The following LRRTM4 variants were observed in gnomAD, a reference collection of about 807,000 sequenced individuals.
LRRTM4 encodes leucine-rich repeat transmembrane neuronal protein 4.
A neutral mutation model predicts 47.6 loss-of-function variants in LRRTM4; 25 were observed. The observed-to-expected ratio is 0.53, with a 90% CI of 0.38 to 0.73. The LOEUF (loss-of-function observed/expected upper bound fraction) is 0.73, where lower values mean the gene tolerates loss of function less well. Among genes scored for constraint, LRRTM4 ranks in the 30% least tolerant of loss-of-function variants. The pLI is 0.00. For missense variants in LRRTM4, 638 were observed against 713.4 expected, an observed-to-expected ratio of 0.89 and a Z score of 1.20; for synonymous variants, 311 against 269.5, an observed-to-expected ratio of 1.15 and a Z score of -1.51.
intron 3 of LRRTM4, among the ~76,000 whole-genome samples, chr2:77,399,442 TAGAG>T (rs1673850146): frequency 6.6e-6 from 1 of 151,730 alleles, no homozygotes; most frequent in African/African-American, 2.4e-5. Flanking sequence ...CTCATAAAAA[TAGAG>T]AGCAGAATGT....
intron 3 of LRRTM4, among the ~76,000 whole-genome samples, chr2:76,866,306 C>T (rs1328533781): frequency 1.3e-5 from 2 of 152,170 alleles, no homozygotes; most frequent in Non-Finnish European, 2.9e-5. Context: ...TCTTTGAAGC[C>T]TTGAAGAGCT....
chr2:77,194,507 T>C (rs1410547448), intron 3 of LRRTM4, among the ~76,000 whole-genome samples: 1 of 152,166 alleles, frequency 6.6e-6, no homozygotes, highest in Non-Finnish European at 1.5e-5. Context: ...CAGATTCACA[T>C]GGAAGATGCT....
chr2:76,805,104 G>T (rs1675903490), intron 3 of LRRTM4, among the ~76,000 whole-genome samples: 1 of 152,090 alleles, frequency 6.6e-6, no homozygotes, highest in South Asian at 2.1e-4. Flanking sequence ...TTTTAATGAA[G>T]ATTGAAGCCT....
chr2:77,104,614 A>G (rs1671043208), intron 3 of LRRTM4, among the ~76,000 whole-genome samples: 2 of 152,212 alleles, frequency 1.3e-5, no homozygotes, highest in East Asian at 3.8e-4. Flanking sequence ...ACCCAGACAG[A>G]TAAGCATTTG....
rs1675029614 is a variant in LRRTM4 at position 76,938,417 on chromosome 2, A to G, written c.1552-189501T>C. 3.3e-5 allele frequency among the ~76,000 whole-genome samples: 5 copies of G among 152,292 alleles called. No homozygotes were observed. In the South Asian group the frequency reaches 1.0e-3, roughly 32 times the overall value. ...TTGTTAAAATTTTAAATCAAATTAT[A>G]ATGATTCTTTTAGAGTGATTTTACT... On this transcript the variant is annotated intron_variant, in intron 3 of 3. Coordinates refer to ENST00000409884, the MANE Select transcript of LRRTM4 (RefSeq NM_001134745.3).
intron 3 of LRRTM4, among the ~76,000 whole-genome samples, chr2:77,408,349 C>A (rs1249566237): frequency 1.3e-5 from 2 of 152,074 alleles, no homozygotes; most frequent in Non-Finnish European, 2.9e-5. Context: ...CAATATTTAT[C>A]ATGGTTTAAG....
chr2:76,802,157 A>G (rs977197308), intron 3 of LRRTM4, among the ~76,000 whole-genome samples: 1 of 152,046 alleles, frequency 6.6e-6, no homozygotes, highest in African/African-American at 2.4e-5. Context: ...AAAGTCATCT[A>G]AACTGGAGAG....
At chr2:76,971,660 AAGCTT>A (rs1676224330) in intron 3 of LRRTM4, among the ~76,000 whole-genome samples, 1 of 152,034 alleles carries the variant, frequency 6.6e-6, no homozygotes, top group African/African-American at 2.4e-5. Flanking sequence ...AATAAGAAGT[AAGCTT>A]GGAATTGAGA....
At chr2:77,037,032 G>A (rs1029179232) in intron 3 of LRRTM4, among the ~76,000 whole-genome samples, 1 of 151,600 alleles carries the variant, frequency 6.6e-6, no homozygotes, top group Non-Finnish European at 1.5e-5. Context: ...CAATTCCCTA[G>A]CTGTCCCCTC....
chr2:77,022,764 G>C (rs1389548364), intron 3 of LRRTM4, among the ~76,000 whole-genome samples: 1 of 152,228 alleles, frequency 6.6e-6, no homozygotes, highest in African/African-American at 2.4e-5. Context: ...CTCTGCCCCT[G>C]TGGCTTTGCA....
chr2:77,228,980 T>C (rs1274570388), intron 3 of LRRTM4, among the ~76,000 whole-genome samples: 1 of 151,890 alleles, frequency 6.6e-6, no homozygotes, highest in African/African-American at 2.4e-5. Flanking sequence ...TCACAAACTA[T>C]CCAGAAAAAG....
chr2:77,145,052 A>G (rs1411969807), intron 3 of LRRTM4, among the ~76,000 whole-genome samples: 1 of 152,208 alleles, frequency 6.6e-6, no homozygotes, highest in Non-Finnish European at 1.5e-5. Context: ...TTGAACAGCA[A>G]GTTAAAATGT....
chr2:77,161,601 T>C (rs187939876), intron 3 of LRRTM4, among the ~76,000 whole-genome samples: 1 of 152,294 alleles, frequency 6.6e-6, no homozygotes, highest in Admixed American at 6.5e-5. Flanking sequence ...CTGTGAGTTT[T>C]TTCAAATTGT....
At chr2:77,446,561 T>C (rs1314252439) in intron 3 of LRRTM4, among the ~76,000 whole-genome samples, 2 of 152,106 alleles carry the variant, frequency 1.3e-5, no homozygotes, top group Non-Finnish European at 2.9e-5. Context: ...TAATTAGCCC[T>C]TTGTGGGGCC....
At chr2:77,215,333 A>G (rs1249860821) in intron 3 of LRRTM4, among the ~76,000 whole-genome samples, 1 of 152,180 alleles carries the variant, frequency 6.6e-6, no homozygotes, top group Non-Finnish European at 1.5e-5. Flanking sequence ...TTTACCTAGT[A>G]AAAAGGTGTT....
At chr2:76,802,134 AG>A (rs1282813301) in intron 3 of LRRTM4, among the ~76,000 whole-genome samples, 2 of 152,026 alleles carry the variant, frequency 1.3e-5, no homozygotes, top group South Asian at 2.1e-4. Context: ...CAATTAGGCA[AG>A]GGAAAAGAAT....
chr2:77,122,406 C>T (rs1671541921), intron 3 of LRRTM4, among the ~76,000 whole-genome samples: 1 of 150,500 alleles, frequency 6.6e-6, no homozygotes, highest in Non-Finnish European at 1.5e-5. Context: ...CAGAATTCAC[C>T]AGATGTAAAC....
chr2:77,167,510 T>G (rs1672920175), intron 3 of LRRTM4, among the ~76,000 whole-genome samples: 1 of 152,212 alleles, frequency 6.6e-6, no homozygotes, highest in African/African-American at 2.4e-5. Context: ...TACGTATGTT[T>G]ATTGAGGCAC....
chr2:76,943,903 C>T (rs1020608315), intron 3 of LRRTM4, among the ~76,000 whole-genome samples: 3 of 152,120 alleles, frequency 2.0e-5, no homozygotes, highest in Admixed American at 1.3e-4. Context: ...GTGTATCTGG[C>T]CATATCTTTT....
Sources: gnomAD v4.1 joint callset for allele counts (sites outside exome capture counted in the v4.1 genomes callset) on GRCh38, gnomAD v4.1.1 for gene constraint, MANE v1.5 for transcripts, NCBI Gene and HGNC (gene_info 2026-07-23, HGNC 2026-07-21) for gene names.